Variants in TRPC4 observed in about 807,000 individuals in gnomAD.
The protein encoded by TRPC4 is transient receptor potential cation channel subfamily C member 4, also known as short transient receptor potential channel 4.
TRPC4 carries 49 observed loss-of-function variants against 99.4 expected under a neutral mutation model. That is an observed-to-expected ratio of 0.49 (90% CI 0.39 to 0.63). TRPC4 has a LOEUF of 0.63. Ranked by LOEUF, TRPC4 falls within the 20% of genes least tolerant of loss-of-function variation. The pLI is 0.00. For missense variants in TRPC4, 898 were observed against 1,152.9 expected (o/e 0.78, Z 3.20); for synonymous variants, 454 against 425.9 (o/e 1.07, Z -0.81).
At chr13:37,723,375 T>C (rs1359888628) in intron 3 of TRPC4, among the ~76,000 whole-genome samples, 2 of 152,214 alleles carry the variant, frequency 1.3e-5, no homozygotes, top group East Asian at 3.9e-4. Flanking sequence ...GATATAATCA[T>C]ACAAAAAACG....
chr13:37,798,884 T>C (rs1019239133), intron 1 of TRPC4, among the ~76,000 whole-genome samples: 1 of 152,134 alleles, frequency 6.6e-6, no homozygotes, highest in African/African-American at 2.4e-5. Context: ...CTTTAGTATT[T>C]TGTAATGAGT....
intron 2 of TRPC4, among the ~76,000 whole-genome samples, chr13:37,760,878 A>G (rs1219879612): frequency 6.6e-6 from 1 of 151,998 alleles, no homozygotes; most frequent in African/African-American, 2.4e-5. Context: ...ATCAATAACT[A>G]CTTTTACTTC....
chr13:37,745,466 A>ACG lies in TRPC4; in HGVS notation c.897+470_897+471insCG, dbSNP rs1955729871. On this transcript the variant is annotated intron_variant, in intron 3 of 10. Coordinates refer to ENST00000379705, the MANE Select transcript of TRPC4 (RefSeq NM_016179.4). ...TATATATATATATATATATATATAT[A>ACG]TATATATACACACACACACACACTT... Among the ~76,000 whole-genome samples the ACG allele has an allele frequency of 8.4e-3, 22 of 2,614 alleles. 2 individuals carry two copies. The highest frequency in any genetic ancestry group is 0.077 in the Admixed American group (8 of 104). 1.7% of individuals were successfully genotyped at this position (2,614 alleles called of 152,430 possible).
chr13:37,752,821 A>G (rs1955971418), intron 2 of TRPC4, among the ~76,000 whole-genome samples: 1 of 152,128 alleles, frequency 6.6e-6, no homozygotes, highest in Admixed American at 6.6e-5. Flanking sequence ...AGATAACTTC[A>G]CTAAATCTTA....
chr13:37,866,853 G>A (rs1330001675), intron 1 of TRPC4, among the ~76,000 whole-genome samples: 1 of 115,056 alleles, frequency 8.7e-6, no homozygotes, highest in East Asian at 2.5e-4. Flanking sequence ...TTGTGGGGGG[G>A]GGCGGGTATA....
chr13:37,792,183 A>G (rs1472460771), intron 1 of TRPC4, among the ~76,000 whole-genome samples: 1 of 152,194 alleles, frequency 6.6e-6, no homozygotes, highest in African/African-American at 2.4e-5. Flanking sequence ...AAGTGGACAC[A>G]TTAACATATT....
intron 4 of TRPC4, among the ~76,000 whole-genome samples, chr13:37,678,037 T>C (rs529686319): frequency 2.0e-5 from 3 of 152,080 alleles, no homozygotes; most frequent in Non-Finnish European, 4.4e-5. Context: ...TCGGCTCAAA[T>C]AGGAATACAT....
intron 1 of TRPC4, among the ~76,000 whole-genome samples, chr13:37,855,957 G>GA (rs1959170659): frequency 6.6e-6 from 1 of 151,550 alleles, no homozygotes; most frequent in African/African-American, 2.4e-5. Flanking sequence ...ATGATTTAAG[G>GA]ATGCTTCTTA....
chr13:37,737,890 T>A (rs1221750908), intron 3 of TRPC4, among the ~76,000 whole-genome samples: 1 of 152,166 alleles, frequency 6.6e-6, no homozygotes, highest in Non-Finnish European at 1.5e-5. Context: ...GAAATTTACA[T>A]GGAAGAAGAT....
chr13:37,685,217 A>G (rs913410283), intron 4 of TRPC4, among the ~76,000 whole-genome samples: 3 of 152,160 alleles, frequency 2.0e-5, no homozygotes, highest in Non-Finnish European at 4.4e-5. Context: ...AGAAGCGAAG[A>G]AGTCTTAAGT....
Position 37,864,897 on chromosome 13 carries a change from C to T in TRPC4, c.-28+4698G>A, listed in dbSNP as rs576286238. Among the ~76,000 whole-genome samples the T allele has an allele frequency of 2.0e-5, 3 of 151,752 alleles. No homozygotes were observed. In the East Asian group the frequency reaches 5.8e-4, roughly 29 times the overall value. ...GTTATTCTAGACAGAGGGAGCTTTGCCAGGAAATGCAACAAAAATGAAAAG... is the reference window on the plus strand; with the variant it reads ...GTTATTCTAGACAGAGGGAGCTTTGTCAGGAAATGCAACAAAAATGAAAAG... On this transcript the variant is annotated intron_variant, in intron 1 of 10. Coordinates refer to ENST00000379705, the MANE Select transcript of TRPC4 (RefSeq NM_016179.4).
intron 4 of TRPC4, among the ~76,000 whole-genome samples, chr13:37,681,992 G>A (rs1238910836): frequency 6.6e-6 from 1 of 152,174 alleles, no homozygotes; most frequent in Non-Finnish European, 1.5e-5. Flanking sequence ...CTATTTGAAT[G>A]TTCTATTATG....
chr13:37,754,346 C>T (rs1377694168), intron 2 of TRPC4, among the ~76,000 whole-genome samples: 1 of 152,118 alleles, frequency 6.6e-6, no homozygotes, highest in Non-Finnish European at 1.5e-5. Flanking sequence ...TCAATAACTA[C>T]TACTTTTCCA....
intron 1 of TRPC4, among the ~76,000 whole-genome samples, chr13:37,800,503 A>G (rs555562219): frequency 2.0e-5 from 3 of 152,332 alleles, no homozygotes; most frequent in East Asian, 1.9e-4. Context: ...CTCCCATAGT[A>G]TGCATTTAGT....
At chr13:37,657,893 A>C (rs2138656906) in intron 6 of TRPC4, among the ~76,000 whole-genome samples, 1 of 152,254 alleles carries the variant, frequency 6.6e-6, no homozygotes, top group South Asian at 2.1e-4. Context: ...CTTTTAGTGG[A>C]ATAAGTCAGT....
intron 8 of TRPC4, among the ~76,000 whole-genome samples, chr13:37,640,398 T>C (rs1204592083): frequency 6.6e-6 from 1 of 152,102 alleles, no homozygotes; most frequent in East Asian, 1.9e-4. Flanking sequence ...TTCAGAGAAA[T>C]AGAAGAAAAT....
At chr13:37,819,212 G>T (rs1957945752) in intron 1 of TRPC4, among the ~76,000 whole-genome samples, 1 of 151,916 alleles carries the variant, frequency 6.6e-6, no homozygotes. Flanking sequence ...AAAAAGAAAT[G>T]CTTATATACT....
chr13:37,653,213 T>A (rs894599583), intron 7 of TRPC4, among the ~76,000 whole-genome samples: 1 of 152,132 alleles, frequency 6.6e-6, no homozygotes, highest in Non-Finnish European at 1.5e-5. Flanking sequence ...ATTCTTTGTA[T>A]CCCGAAAATT....
intron 3 of TRPC4, among the ~76,000 whole-genome samples, chr13:37,727,436 G>C (rs368918870): frequency 1.3e-5 from 2 of 151,852 alleles, no homozygotes; most frequent in African/African-American, 4.8e-5. Context: ...AGCTAAGGGG[G>C]AAATTTATGC....
Sources: allele counts gnomAD v4.1 joint callset (sites outside exome capture counted in the v4.1 genomes callset), GRCh38; gene constraint gnomAD v4.1.1; transcripts MANE v1.5; gene names NCBI Gene and HGNC (gene_info 2026-07-23, HGNC 2026-07-21).